The following PLXNA2 variants were observed in gnomAD, a reference collection of about 807,000 sequenced individuals.
PLXNA2 encodes plexin A2.
PLXNA2 carries 91 observed loss-of-function variants against 193.5 expected under a neutral mutation model. That is an observed-to-expected ratio of 0.47 (90% CI 0.40 to 0.56). The LOEUF is 0.56. Among genes scored for constraint, PLXNA2 ranks in the 20% least tolerant of loss-of-function variants. The pLI, the probability that PLXNA2 is intolerant of heterozygous loss-of-function variation, is 0.00. For missense variants in PLXNA2, 1,995 were observed against 2,503.2 expected (o/e 0.80, Z 4.33); for synonymous variants, 997 against 1,027.3 (o/e 0.97, Z 0.56).
chr1:208,211,091 T>C (rs887350049), intron 2 of PLXNA2, among the ~76,000 whole-genome samples: 1 of 152,228 alleles, frequency 6.6e-6, no homozygotes, highest in African/African-American at 2.4e-5. Context: ...ACCTTATACT[T>C]TGGAAAAGTT....
intron 4 of PLXNA2, among the ~76,000 whole-genome samples, chr1:208,126,007 C>T (rs182721220): frequency 2.0e-5 from 3 of 152,194 alleles, no homozygotes; most frequent in African/African-American, 7.2e-5. Flanking sequence ...ATATTCTGAC[C>T]TTTGTGCAAG....
chr1:208,033,298 T>TA, intron 28 of PLXNA2, 21 bp downstream of exon 28: 1 of 1,600,908 alleles, frequency 6.2e-7, no homozygotes, highest in Non-Finnish European at 8.5e-7. Flanking sequence ...CACTCCCTGG[T>TA]CTGGGCAGAG....
intron 3 of PLXNA2, among the ~76,000 whole-genome samples, chr1:208,180,213 G>A (rs1046801760): frequency 6.6e-6 from 1 of 151,278 alleles, no homozygotes; most frequent in African/African-American, 2.4e-5. Flanking sequence ...AGTCATTAAG[G>A]CTGGGAAAGG....
At chr1:208,209,563 T>C (rs2801210) in intron 3 of PLXNA2, among the ~76,000 whole-genome samples, 144,681 of 152,274 alleles carry the variant, frequency 0.95, 69,164 homozygotes, top group Middle Eastern at 1. Flanking sequence ...CTAGACAAGC[T>C]GGTACAAGCT....
At chr1:208,190,468 A>T (rs926472647) in intron 3 of PLXNA2, among the ~76,000 whole-genome samples, 1 of 152,238 alleles carries the variant, frequency 6.6e-6, no homozygotes, top group Non-Finnish European at 1.5e-5. Context: ...TCAAATGAAG[A>T]GTGCTTAGCA....
At chr1:208,192,195 G>C (rs1258569070) in intron 3 of PLXNA2, among the ~76,000 whole-genome samples, 3 of 152,186 alleles carry the variant, frequency 2.0e-5, no homozygotes, top group African/African-American at 7.2e-5. Context: ...CATCTGCTCT[G>C]ATCCATTCTC....
intron 5 of PLXNA2, among the ~76,000 whole-genome samples, chr1:208,101,865 C>T (rs75931598): frequency 0.082 from 12,469 of 152,190 alleles, 838 homozygotes; most frequent in East Asian, 0.34. Flanking sequence ...GCCCAGGGCC[C>T]TTTGCACAGA....
intron 17 of PLXNA2, among the ~76,000 whole-genome samples, chr1:208,047,241 C>CT (rs1665104878): frequency 9.8e-6 from 1 of 101,604 alleles, no homozygotes; most frequent in South Asian, 3.8e-4. Context: ...GATTACAGGC[C>CT]TGAGCCACTG....
At chr1:208,099,635 G>T (rs1178982249) in intron 5 of PLXNA2, among the ~76,000 whole-genome samples, 2 of 151,998 alleles carry the variant, frequency 1.3e-5, no homozygotes, top group Non-Finnish European at 2.9e-5. Flanking sequence ...CAGTGGCAGG[G>T]TCTCAGCTCA....
intron 24 of PLXNA2, 123 bp downstream of exon 24, chr1:208,039,498 T>G: frequency 7.3e-7 from 1 of 1,363,824 alleles, no homozygotes. Flanking sequence ...TCCTTTGGGC[T>G]CACCCCAGAC....
At chr1:208,148,198 A>C (rs1456899955) in intron 3 of PLXNA2, among the ~76,000 whole-genome samples, 3 of 152,152 alleles carry the variant, frequency 2.0e-5, no homozygotes, top group African/African-American at 7.2e-5. Context: ...TTTCTTCTCT[A>C]GTTAGCCCTA....
chr1:208,241,011 C>T (rs910179302), intron 1 of PLXNA2, among the ~76,000 whole-genome samples: 4 of 152,186 alleles, frequency 2.6e-5, no homozygotes, highest in Non-Finnish European at 4.4e-5. Flanking sequence ...ACAGTGACAA[C>T]TCCAGCACCA....
chr1:208,132,370 G>T (rs889367583), intron 4 of PLXNA2, among the ~76,000 whole-genome samples: 1 of 152,200 alleles, frequency 6.6e-6, no homozygotes, highest in Admixed American at 6.5e-5. Flanking sequence ...CAGCCAGGGG[G>T]CGCTGTCTCA....
chr1:208,220,705 G>A (rs1411691250), intron 1 of PLXNA2, among the ~76,000 whole-genome samples: 1 of 151,692 alleles, frequency 6.6e-6, no homozygotes, highest in East Asian at 1.9e-4. Context: ...GCCTCCCAAA[G>A]TGCTGGGATT....
intron 13 of PLXNA2, among the ~76,000 whole-genome samples, chr1:208,060,439 T>C (rs1470442320): frequency 2.0e-5 from 3 of 151,802 alleles, no homozygotes; most frequent in Admixed American, 1.3e-4. Flanking sequence ...AAAGACTGAA[T>C]GAGGGACGGT....
intron 3 of PLXNA2, among the ~76,000 whole-genome samples, chr1:208,208,996 T>C (rs1670837738): frequency 6.6e-6 from 1 of 152,130 alleles, no homozygotes; most frequent in Non-Finnish European, 1.5e-5. Flanking sequence ...CAGCAACTCC[T>C]TCCCTTCCCA....
At chr1:208,033,296 G>A (rs529033310) in intron 28 of PLXNA2, 23 bp downstream of exon 28, 2 of 1,599,078 alleles carry the variant, frequency 1.3e-6, no homozygotes, top group Non-Finnish European at 1.7e-6. Context: ...AGCACTCCCT[G>A]GTCTGGGCAG....
intron 3 of PLXNA2, among the ~76,000 whole-genome samples, chr1:208,203,996 G>A (rs967971370): frequency 2.0e-5 from 3 of 152,170 alleles, no homozygotes; most frequent in Admixed American, 6.5e-5. Context: ...TTAGTAAATC[G>A]TTTGTGCGAT....
intron 12 of PLXNA2, among the ~76,000 whole-genome samples, chr1:208,069,133 A>T (rs1175487572): frequency 6.6e-6 from 1 of 152,198 alleles, no homozygotes; most frequent in Non-Finnish European, 1.5e-5. Context: ...AGCCAGGAAG[A>T]CTAGGTCAGC....
Sources: allele counts gnomAD v4.1 joint callset (sites outside exome capture counted in the v4.1 genomes callset), GRCh38; gene constraint gnomAD v4.1.1; transcripts MANE v1.5; gene names NCBI Gene and HGNC (gene_info 2026-07-23, HGNC 2026-07-21).